Variants in TNNT2 observed in about 807,000 individuals in gnomAD.
TNNT2 encodes troponin T2, cardiac type, also known as troponin T, cardiac muscle.
A neutral mutation model predicts 62.4 loss-of-function variants in TNNT2; 34 were observed. That is an observed-to-expected ratio of 0.54 (90% CI 0.41 to 0.72). The LOEUF (loss-of-function observed/expected upper bound fraction) is 0.72. Among genes scored for constraint, TNNT2 ranks in the 30% least tolerant of loss-of-function variants. The pLI, the probability that TNNT2 is intolerant of heterozygous loss-of-function variation, is 0.00. For missense variants in TNNT2, 275 were observed against 381.9 expected (o/e 0.72, Z 2.33); for synonymous variants, 123 against 127.2 (o/e 0.97, Z 0.22).
At chr1:201,364,711 C>A (rs1430745146) in intron 10 of TNNT2, among the ~76,000 whole-genome samples, 7 of 152,190 alleles carry the variant, frequency 4.6e-5, no homozygotes, top group Admixed American at 3.9e-4. Context: ...GATAGATGGC[C>A]AAGTCATTGC....
chr1:201,359,930 C>T (rs1272800706), intron 15 of TNNT2, among the ~76,000 whole-genome samples: 1 of 152,134 alleles, frequency 6.6e-6, no homozygotes, highest in Non-Finnish European at 1.5e-5. Context: ...ATGAGAGTCC[C>T]ATAAGAAGGG....
At chr1:201,373,715 A>G in intron 1 of TNNT2, 1 of 245,970 alleles carries the variant, frequency 4.1e-6, no homozygotes, top group Non-Finnish European at 8.0e-6. Context: ...CTGGGACTAT[A>G]GTTGTGCACC....
chr1:201,359,776 G>A, intron 15 of TNNT2, 113 bp from the exon 16 acceptor site: 1 of 910,828 alleles, frequency 1.1e-6, no homozygotes, highest in Middle Eastern at 2.1e-4. Context: ...GGAGGAGAAG[G>A]AGGAGCATGG....
At position 201,368,172 on chromosome 1, in the gene TNNT2, G is replaced by C. The variant is rs1347127737; in HGVS notation, c.153C>G (p.Thr51=). The C allele has an allele frequency of 2.5e-6, 4 of 1,613,904 alleles. No homozygotes were observed. The highest frequency in any genetic ancestry group is 3.4e-6 in the Non-Finnish European group (4 of 1,179,998). The stretch of plus-strand genomic sequence containing the variant: ...CAACCAGAGACTTACCTTCTGCCCT[G>C]GTCTCCTCGGTCTCAGCCTCTGCTT... ...DAEAEAETEE[T]RAEEDEEEEE... is the part of the protein sequence containing the mutation. Residue 51 remains threonine (T), a synonymous_variant, in exon 6 of 17, where the codon ACC becomes ACG. Transcript: ENST00000656932.
At chr1:201,359,344 G>C in intron 16 of TNNT2, 89 bp from the exon 17 acceptor site, 1 of 1,514,776 alleles carries the variant, frequency 6.6e-7, no homozygotes, top group Non-Finnish European at 9.0e-7. Context: ...GTGCCAAAGG[G>C]GAGAGGAGCA....
chr1:201,359,106 A>T lies in TNNT2; in HGVS notation c.*104T>A, dbSNP rs1360426441. ...CACCTAGGCCAGCTCCCCATTTCCA[A>T]ACAGGAGCTGCCTGGGGTGCCCAGG... On this transcript the variant is annotated 3_prime_UTR_variant, in exon 17 of 17. Coordinates refer to ENST00000656932, the MANE Select transcript of TNNT2 (RefSeq NM_001276345.2). 1.4e-5 allele frequency: 20 copies of T among 1,479,402 alleles called. No homozygotes were observed. The highest frequency in any genetic ancestry group is 1.8e-5 in the Non-Finnish European group (19 of 1,081,352). The allele number at this position is 1,479,402 out of a possible 1,614,324, so 91.6% of individuals were successfully genotyped here.
chr1:201,371,100 G>T (rs2102303096), intron 4 of TNNT2, among the ~76,000 whole-genome samples: 1 of 152,324 alleles, frequency 6.6e-6, no homozygotes, highest in African/African-American at 2.4e-5. Context: ...TGGGGAGCAA[G>T]GGCGGGGCCA....
chr1:201,359,056 G>T lies in TNNT2; in HGVS notation c.*154C>A. 1 of 859,468 alleles carries T rather than the reference G, an allele frequency of 1.2e-6. No homozygotes were observed. The allele number at this position is 859,468 out of a possible 1,614,324, so 53.2% of individuals were successfully genotyped here. On this transcript the variant is annotated 3_prime_UTR_variant, in exon 17 of 17. Coordinates refer to ENST00000656932, the MANE Select transcript of TNNT2 (RefSeq NM_001276345.2). Reference sequence around the variant, plus strand: ...TTTATTACTGGTGTGGAGTGGGTGTGGGGGCAGGCAGGAGTGGTGGCTCCC... The same window carrying T: ...TTTATTACTGGTGTGGAGTGGGTGTTGGGGCAGGCAGGAGTGGTGGCTCCC...
chr1:201,376,618 A>T (rs1348252276), intron 1 of TNNT2, among the ~76,000 whole-genome samples: 1 of 152,180 alleles, frequency 6.6e-6, no homozygotes, highest in Non-Finnish European at 1.5e-5. Context: ...CCTCTAAGAC[A>T]TGGGTCAGAA....
At chr1:201,367,917 G>T (rs1659944315) in intron 6 of TNNT2, 111 bp from the exon 7 acceptor site, 3 of 1,365,670 alleles carry the variant, frequency 2.2e-6, no homozygotes, top group South Asian at 2.3e-5. Context: ...GATGCACTCT[G>T]TTGGTTTTTG....
At chr1:201,367,630 C>T (rs1420336071) in intron 7 of TNNT2, 141 bp downstream of exon 7, 10 of 962,188 alleles carry the variant, frequency 1.0e-5, no homozygotes, top group Admixed American at 1.7e-5. Context: ...TTTGGAAGTG[C>T]CACCAAGTTC....
rs1270404167 is a variant in TNNT2 at position 201,372,126 on chromosome 1, T to C, written c.52+19A>G. 2 of 1,614,008 alleles carry C rather than the reference T, an allele frequency of 1.2e-6. No homozygotes were observed. The highest frequency in any genetic ancestry group is 1.7e-6 in the Non-Finnish European group (2 of 1,180,004). ...CCAGGCTGTCTTTGATCCAAATGAG[T>C]ACACACGTTTACGCTTACCTTCCTG... On this transcript the variant is annotated intron_variant, in intron 3 of 16. Coordinates refer to ENST00000656932, the MANE Select transcript of TNNT2 (RefSeq NM_001276345.2).
chr1:201,368,507 G>A (rs1473316242), intron 5 of TNNT2: 1 of 542,156 alleles, frequency 1.8e-6, no homozygotes, highest in South Asian at 1.5e-5. Flanking sequence ...TCCACCCCGT[G>A]TCTGGCACCA....
At position 201,361,937 on chromosome 1, in the gene TNNT2, T is replaced by G; in HGVS notation, c.695A>C (p.Asp232Ala). The G allele has an allele frequency of 6.2e-7, 1 of 1,614,168 alleles. No individual in the cohort carries two copies. The highest frequency in any genetic ancestry group is 2.2e-5 in the East Asian group (1 of 44,864). The change falls in exon 14 of 17, where the codon GAC (aspartate) becomes GCC (alanine). Residue 232 changes from aspartate to alanine, a missense_variant. Coordinates refer to ENST00000656932, the MANE Select transcript of TNNT2 (RefSeq NM_001276345.2). The stretch of plus-strand genomic sequence containing the variant: ...CCTCAGCTGATCTTCATTCAGGTGG[T>G]CAATGGCCAGCACCTTCCTCCTCTC... ...LAERRKVLAI[D>A]HLNEDQLREK... is the part of the protein sequence containing the mutation.
At chr1:201,365,383 C>T in intron 9 of TNNT2, 76 bp from the exon 10 acceptor site, 1 of 1,345,610 alleles carries the variant, frequency 7.4e-7, no homozygotes, top group Non-Finnish European at 1.1e-6. Context: ...CTAGACACCC[C>T]CCAACGCAGT....
In TNNT2 at chr1:201,361,238, G is replaced by C. The variant is rs2275862; in HGVS notation, c.810+41C>G. On this transcript the variant is annotated intron_variant, in intron 15 of 16. Coordinates refer to ENST00000656932, the MANE Select transcript of TNNT2 (RefSeq NM_001276345.2). ...CCGGACCCAGTGAACCAGGAGGAGTGTGAGATGGAGATGCTGGGCGGGGAC... is the reference window on the plus strand; with the variant it reads ...CCGGACCCAGTGAACCAGGAGGAGTCTGAGATGGAGATGCTGGGCGGGGAC... The C allele has an allele frequency of 9.7e-3, 15,426 of 1,587,952 alleles. 791 individuals carry two copies. In the East Asian group the frequency reaches 0.17, roughly 17 times the overall value.
At chr1:201,370,530 C>A (rs996792613) in intron 4 of TNNT2, among the ~76,000 whole-genome samples, 1 of 152,230 alleles carries the variant, frequency 6.6e-6, no homozygotes, top group Non-Finnish European at 1.5e-5. Flanking sequence ...GCAAGTGGAA[C>A]AATTCCTCTC....
At chr1:201,370,822 A>T (rs1308501784) in intron 4 of TNNT2, among the ~76,000 whole-genome samples, 3 of 152,266 alleles carry the variant, frequency 2.0e-5, no homozygotes, top group Non-Finnish European at 1.5e-5. Context: ...TGTTATAAGG[A>T]AGTGGAAAAT....
intron 2 of TNNT2, 103 bp from the exon 3 acceptor site, chr1:201,372,258 C>A: frequency 6.4e-7 from 1 of 1,555,144 alleles, no homozygotes; most frequent in Non-Finnish European, 8.8e-7. Context: ...AAAGATAATC[C>A]CCCTTTCTTT....
Sources: allele counts gnomAD v4.1 joint callset (sites outside exome capture counted in the v4.1 genomes callset), GRCh38; gene constraint gnomAD v4.1.1; transcripts MANE v1.5; gene names NCBI Gene and HGNC (gene_info 2026-07-23, HGNC 2026-07-21).